LRRC9: variants seen among roughly 807,000 people sequenced by gnomAD.
LRRC9 encodes the protein leucine rich repeat containing 9, also known as leucine-rich repeat-containing protein 9.
LRRC9 carries 122 observed loss-of-function variants against 63.2 expected under a neutral mutation model. The observed-to-expected ratio is 1.93, with a 90% CI of 1.67 to 2.24. The LOEUF (loss-of-function observed/expected upper bound fraction) is 2.24, where lower values mean the gene tolerates loss of function less well. Among genes scored for constraint, LRRC9 ranks in the 30% most tolerant of loss-of-function variants. The probability of loss-of-function intolerance (pLI) is 0.00; values close to 1 mark genes in which losing one functional copy is unlikely to be tolerated. For missense variants in LRRC9, 1,071 were observed against 627.7 expected (o/e 1.71, Z -7.55); for synonymous variants, 366 against 213.1 (o/e 1.72, Z -6.25).
chr14:60,047,418 T>C (rs144070574), intron 29 of LRRC9, among the ~76,000 whole-genome samples: 3,165 of 152,066 alleles, frequency 0.021, 59 homozygotes, highest in South Asian at 0.05. Context: ...CCATCTCACA[T>C]GCAAAGACAC....
chr14:59,997,751 G>T (rs1408741884), exon 18 of LRRC9: 1 of 702,314 alleles, frequency 1.4e-6, no homozygotes, highest in Non-Finnish European at 2.6e-6. Context: ...ACTTGAGCTG[G>T]AATCAACTGA....
At position 60,053,109 on chromosome 14, in the gene LRRC9, G is replaced by T. The variant is rs1319663354; in HGVS notation, c.4035G>T (p.Leu1345=). ...ATCGCCACATGCTTATATTTCGACT[G>T]CCTAACTTACAGATGTTAGATGGAA... Residue 1345 remains leucine, a synonymous_variant, in exon 30 of 32, where the codon CTG becomes CTT. Transcript: ENST00000445360. The surrounding 1 kb of genome is among the most constrained non-coding windows in gnomAD (Gnocchi z 4.8). The T allele has an allele frequency of 4.3e-6, 3 of 701,656 alleles. No individual in the cohort carries two copies. The highest frequency in any genetic ancestry group is 4.0e-5 in the Admixed American group (2 of 49,962). The allele number at this position is 701,656 out of a possible 1,614,324, so 43.5% of individuals were successfully genotyped here. A position where few individuals can be genotyped will look rare whatever the true frequency, so the allele number is the denominator to read the frequency against.
chr14:60,011,261 C>T (rs1447193148), intron 23 of LRRC9, among the ~76,000 whole-genome samples: 1 of 152,114 alleles, frequency 6.6e-6, no homozygotes, highest in Admixed American at 6.6e-5. Flanking sequence ...GGGAACTCCC[C>T]TTTATAAAAC....
At chr14:59,968,616 A>G (rs1280562895) in intron 12 of LRRC9, among the ~76,000 whole-genome samples, 1 of 152,190 alleles carries the variant, frequency 6.6e-6, no homozygotes, top group Non-Finnish European at 1.5e-5. Context: ...GAGTGCCCTC[A>G]TTGTACTTTA....
chr14:59,994,663 A>G (rs1407949059), intron 17 of LRRC9, among the ~76,000 whole-genome samples: 1 of 152,248 alleles, frequency 6.6e-6, no homozygotes, highest in Non-Finnish European at 1.5e-5. Flanking sequence ...AATATACACC[A>G]TGGAATACTA....
At position 59,938,315 on chromosome 14, in the gene LRRC9, A is replaced by G; in HGVS notation, c.544-75A>G. 1 of 595,524 alleles carries G rather than the reference A, an allele frequency of 1.7e-6. No homozygotes were observed. Among genetic ancestry groups the G allele is most frequent in the South Asian group, 2.1e-5 (1 of 47,684 alleles). 36.9% of individuals were successfully genotyped at this position (595,524 alleles called of 1,614,324 possible). On this transcript the variant is annotated intron_variant, in intron 6 of 31. Coordinates refer to ENST00000445360, the Ensembl canonical transcript of LRRC9. The surrounding 1 kb of genome is among the most constrained non-coding windows in gnomAD (Gnocchi z 4.2). ...ATTAGAATGCATTAGACTATGGCTG[A>G]TCTTAGGTGTTCAAATACTGCCTTT...
intron 20 of LRRC9, among the ~76,000 whole-genome samples, 182 bp downstream of exon 20, chr14:60,002,282 T>A (rs1360037688): frequency 6.6e-6 from 1 of 152,194 alleles, no homozygotes; most frequent in African/African-American, 2.4e-5. Flanking sequence ...AAGTATACAA[T>A]ACCGTATCGT....
chr14:60,036,996 A>G (rs1264341372), intron 29 of LRRC9, among the ~76,000 whole-genome samples: 1 of 151,980 alleles, frequency 6.6e-6, no homozygotes, highest in Non-Finnish European at 1.5e-5. Context: ...ATTCCCACCT[A>G]TGAGTGAGAA....
chr14:60,065,398 A>C (rs1167743076), downstream of LRRC9, among the ~76,000 whole-genome samples: 2 of 151,654 alleles, frequency 1.3e-5, no homozygotes, highest in Non-Finnish European at 2.9e-5. Flanking sequence ...CTGTAATCCC[A>C]GAACTTTAGG....
At chr14:60,055,738 A>C (rs562967530) in intron 30 of LRRC9, among the ~76,000 whole-genome samples, 9 of 149,012 alleles carry the variant, frequency 6.0e-5, no homozygotes, top group South Asian at 2.1e-4. Context: ...ATTTAAAAAA[A>C]AAAAAAAACA....
intron 12 of LRRC9, chr14:59,973,384 T>C (rs901011705): frequency 6.6e-6 from 1 of 152,106 alleles, no homozygotes; most frequent in Admixed American, 6.6e-5. Flanking sequence ...TATTTAGTGA[T>C]GTTCATTGAA....
intron 29 of LRRC9, among the ~76,000 whole-genome samples, chr14:60,047,174 T>A (rs757775435): frequency 6.6e-6 from 1 of 152,176 alleles, no homozygotes; most frequent in Non-Finnish European, 1.5e-5. Context: ...ATTATCAGGT[T>A]TTCTAGACAC....
At chr14:59,954,489 G>T (rs545300901) in intron 8 of LRRC9, among the ~76,000 whole-genome samples, 16 of 152,280 alleles carry the variant, frequency 1.1e-4, no homozygotes, top group African/African-American at 3.9e-4. Flanking sequence ...AGGAATGCTT[G>T]TGATTTTTGT....
At chr14:60,002,321 A>C (rs1385374591) in intron 20 of LRRC9, among the ~76,000 whole-genome samples, 3 of 152,144 alleles carry the variant, frequency 2.0e-5, no homozygotes, top group African/African-American at 7.2e-5. Context: ...TTAGTCGTTA[A>C]AGTTATCGTT....
At chr14:59,937,347 A>G (rs957924087) in intron 6 of LRRC9, among the ~76,000 whole-genome samples, 1 of 152,146 alleles carries the variant, frequency 6.6e-6, no homozygotes, top group African/African-American at 2.4e-5. Flanking sequence ...ACCAAAGCCC[A>G]TATAGACCCT....
At position 59,942,514 on chromosome 14, in the gene LRRC9, C is replaced by G. The variant is rs1881886343; in HGVS notation, c.727-2075C>G. 6.6e-6 allele frequency among the ~76,000 whole-genome samples: 1 copy of G among 152,150 alleles called. No individual in the cohort carries two copies. Among genetic ancestry groups the G allele is most frequent in the Non-Finnish European group, 1.5e-5 (1 of 68,020 alleles). On this transcript the variant is annotated intron_variant, in intron 7 of 31. Coordinates refer to ENST00000445360, the Ensembl canonical transcript of LRRC9. The surrounding 1 kb of genome is among the most constrained non-coding windows in gnomAD (Gnocchi z 5.3). ...CCCAGGTGGGCGGATCACTTGAGGT[C>G]AGCAGTTTGTAACCAGCCTGGCCAA... is the stretch of plus-strand genomic sequence containing the variant.
In LRRC9 at chr14:59,942,854, A is replaced by G. The variant is rs1343624419; in HGVS notation, c.727-1735A>G. Among the ~76,000 whole-genome samples, 1 of 151,216 alleles carries G rather than the reference A, an allele frequency of 6.6e-6. No individual in the cohort carries two copies. Among genetic ancestry groups the G allele is most frequent in the Non-Finnish European group, 1.5e-5 (1 of 67,900 alleles). On this transcript the variant is annotated intron_variant, in intron 7 of 31. Coordinates refer to ENST00000445360, the Ensembl canonical transcript of LRRC9. This position sits in a 1 kb window ranked among gnomAD's most constrained non-coding sequence, Gnocchi z 5.3. The stretch of plus-strand genomic sequence containing the variant: ...TATTGTGATTTTTATTTGCATTTCC[A>G]TGATGGTTAGTTAGTGATGTTGAGC...
At chr14:60,016,571 A>G in intron 23 of LRRC9, 89 bp from the exon 24 acceptor site, 1 of 583,988 alleles carries the variant, frequency 1.7e-6, no homozygotes, top group South Asian at 2.2e-5. Context: ...TGGAAAAATG[A>G]GTCCACTGAA....
At chr14:60,047,610 A>T (rs1397825064) in intron 29 of LRRC9, among the ~76,000 whole-genome samples, 2 of 152,240 alleles carry the variant, frequency 1.3e-5, no homozygotes, top group Non-Finnish European at 1.5e-5. Context: ...TATCCTAAAT[A>T]TATAGTCACA....
Sources: allele counts gnomAD v4.1 joint callset (sites outside exome capture counted in the v4.1 genomes callset), GRCh38; gene constraint gnomAD v4.1.1; non-coding constraint Gnocchi (gnomAD v3.1); transcripts MANE v1.5; gene names NCBI Gene and HGNC (gene_info 2026-07-23, HGNC 2026-07-21).